The following PTPN7 variants were observed in gnomAD, a reference collection of about 807,000 sequenced individuals.
The protein encoded by PTPN7 is tyrosine-protein phosphatase non-receptor type 7.
PTPN7 carries 33 observed loss-of-function variants against 50.3 expected under a neutral mutation model. The ratio of observed to expected loss-of-function variants is 0.66; its 90% CI spans 0.50 to 0.88. The LOEUF (loss-of-function observed/expected upper bound fraction) is 0.88, where lower values mean the gene tolerates loss of function less well. PTPN7 is among the 40% of genes least tolerant of loss of function. PTPN7 has a pLI of 0.00. For synonymous variants in PTPN7, 185 were observed against 186.6 expected (o/e 0.99, Z 0.07); for missense variants, 412 against 475.4 (o/e 0.87, Z 1.24).
rs145804766 is a variant in PTPN7, at chr1:202,153,371, C to T, written c.717+354G>A. On this transcript the variant is annotated intron_variant, in intron 7 of 9. Transcript: ENST00000691036. ...ACTCCTGACCTCAAGTGATCCGCCC[C>T]CCTCAGCCTCCCAAAGTGTTGGGAT... 6.6e-3 allele frequency among the ~76,000 whole-genome samples: 1,000 copies of T among 152,230 alleles called. 4 individuals are homozygous for T. Among genetic ancestry groups the T allele is most frequent in the Non-Finnish European group, 0.011 (714 of 67,998 alleles).
At chr1:202,157,904 C>T in intron 3 of PTPN7, 81 bp from the exon 4 acceptor site, 4 of 1,464,676 alleles carry the variant, frequency 2.7e-6, no homozygotes, top group Non-Finnish European at 3.8e-6. Context: ...AACAGCTGGA[C>T]TCTGGCCATT....
At chr1:202,155,429 G>T in intron 5 of PTPN7, 104 bp downstream of exon 5, 1 of 1,133,480 alleles carries the variant, frequency 8.8e-7, no homozygotes, top group Non-Finnish European at 1.3e-6. Context: ...AGCAGGGAGG[G>T]TAGGAAATGC....
intron 4 of PTPN7, among the ~76,000 whole-genome samples, chr1:202,157,402 G>A (rs1026819932): frequency 1.3e-5 from 2 of 152,058 alleles, no homozygotes; most frequent in Non-Finnish European, 2.9e-5. Context: ...CCAGCTACTC[G>A]GGAGGCTGAG....
rs907494726 is a variant in PTPN7, at chr1:202,160,379, C to T, written c.-53+166G>A. On this transcript the variant is annotated intron_variant, in intron 1 of 9. Coordinates refer to ENST00000691036, the MANE Select transcript of PTPN7 (RefSeq NM_002832.4). This position sits in a 1 kb window ranked among gnomAD's most constrained non-coding sequence, Gnocchi z 4.8. Reference sequence around the variant, plus strand: ...TGTAGCTCCCTGTGGCTTCCCTGCTCACCCCCGTCTTGGGGACATCAGGTC... The same window carrying T: ...TGTAGCTCCCTGTGGCTTCCCTGCTTACCCCCGTCTTGGGGACATCAGGTC... Among the ~76,000 whole-genome samples, 7 of 152,190 alleles carry T rather than the reference C, an allele frequency of 4.6e-5. No individual in the cohort carries two copies. The East Asian group carries it at 1.2e-3, about 25-fold the overall frequency.
intron 8 of PTPN7, among the ~76,000 whole-genome samples, chr1:202,150,835 C>T (rs1352934984): frequency 4.6e-5 from 7 of 152,110 alleles, no homozygotes; most frequent in East Asian, 1.9e-4. Context: ...AGCCCACGCC[C>T]GGCCCCTCTG....
chr1:202,155,467 G>A, intron 5 of PTPN7, 66 bp downstream of exon 5: 4 of 1,451,466 alleles, frequency 2.8e-6, no homozygotes, highest in Non-Finnish European at 2.9e-6. Flanking sequence ...GCCATGGCTG[G>A]AAGATATTCT....
At chr1:202,150,272 C>A (rs753516998) in intron 9 of PTPN7, 39 bp downstream of exon 9, 2 of 1,513,604 alleles carry the variant, frequency 1.3e-6, no homozygotes, top group East Asian at 4.7e-5. Context: ...TGATGCCATC[C>A]GTTAACGTTG....
intron 8 of PTPN7, 96 bp downstream of exon 8, chr1:202,152,437 AGGCTTGCCT>A (rs1656115303): frequency 3.0e-6 from 4 of 1,336,434 alleles, no homozygotes; most frequent in Non-Finnish European, 4.0e-6. Context: ...AGTAAGGACT[AGGCTTGCCT>A]GATGCTTTTC....
chr1:202,148,765 C>G (rs1655602683), intron 9 of PTPN7, 66 bp from the exon 10 acceptor site: 3 of 1,333,090 alleles, frequency 2.3e-6, no homozygotes, highest in Admixed American at 3.8e-5. Flanking sequence ...TGGCTCCAGT[C>G]AAACATCCCT....
intron 8 of PTPN7, among the ~76,000 whole-genome samples, 200 bp downstream of exon 8, chr1:202,152,342 G>A (rs1656099441): frequency 6.6e-6 from 1 of 152,228 alleles, no homozygotes; most frequent in Admixed American, 6.5e-5. Flanking sequence ...ATGGGGCCTG[G>A]GTGTCCAGCC....
intron 5 of PTPN7, 97 bp from the exon 6 acceptor site, chr1:202,154,420 T>C: frequency 7.0e-7 from 1 of 1,419,118 alleles, no homozygotes; most frequent in South Asian, 1.4e-5. Flanking sequence ...AGCCTGAAGC[T>C]GTGAACCACA....
At position 202,153,711 on chromosome 1, in the gene PTPN7, CG is replaced by C. The variant is rs746345069; in HGVS notation, c.717+13del. 56 of 1,605,542 alleles carry C rather than the reference CG, an allele frequency of 3.5e-5. No homozygotes were observed. Among genetic ancestry groups the C allele is most frequent in the South Asian group, 3.2e-4 (29 of 90,842 alleles). On this transcript the variant is annotated intron_variant, in intron 7 of 9. Transcript: ENST00000691036. ...CCCAACTTCCCACTGGGCCTGGCTC[CG>C]GGGGGGTGGTACCTGGATGGTGAGC...
Position 202,158,260 on chromosome 1 carries a change from A to G in PTPN7, c.164T>C (p.Leu55Pro). 4 of 1,614,174 alleles carry G rather than the reference A, an allele frequency of 2.5e-6. No homozygotes were observed. The highest frequency in any genetic ancestry group is 2.5e-6 in the Non-Finnish European group (3 of 1,180,026). The change falls in exon 3 of 10, where the codon CTG (leucine) becomes CCG (proline). Residue 55 changes from leucine (L) to proline (P), a missense_variant. Leu to Pro is a moderately conservative substitution (Grantham distance 98). Coordinates refer to ENST00000691036, the MANE Select transcript of PTPN7 (RefSeq NM_002832.4). ...AGAGCAGATGGGTTCTACGGCCCCCAGGGACCGAACGTCCAGCATCAGAGC... is the reference window on the plus strand; with the variant it reads ...AGAGCAGATGGGTTCTACGGCCCCCGGGGACCGAACGTCCAGCATCAGAGC... The part of the protein sequence containing the change: ...NVALMLDVRS[L>P]GAVEPICSVN...
chr1:202,161,268 C>G, upstream of PTPN7: 1 of 1,144,834 alleles, frequency 8.7e-7, no homozygotes, highest in African/African-American at 1.6e-5. Flanking sequence ...TGTAGGCCAG[C>G]CCAGCAGGAA....
At chr1:202,149,959 A>G in intron 9 of PTPN7, 1 of 172,338 alleles carries the variant, frequency 5.8e-6, no homozygotes, top group South Asian at 1.4e-4. Flanking sequence ...CAGCCTCCTG[A>G]GTAGCTGGGA....
chr1:202,155,666 C>T (rs1656579903), intron 4 of PTPN7, 57 bp from the exon 5 acceptor site: 4 of 1,430,046 alleles, frequency 2.8e-6, no homozygotes, highest in Non-Finnish European at 3.9e-6. Flanking sequence ...CTAACACAGA[C>T]TCAAGCAGGG....
chr1:202,154,279 G>A lies in PTPN7; in HGVS notation c.513C>T (p.Pro171=), dbSNP rs545311586. 1.9e-6 allele frequency: 3 copies of A among 1,614,100 alleles called. No individual in the cohort carries two copies. The South Asian group carries it at 3.3e-5, about 18-fold the overall frequency. Residue 171 remains proline (P), a synonymous_variant, in exon 6 of 10, where the codon CCC becomes CCT. Transcript: ENST00000691036. ...AGAAGTCCGACACAGTGTTGGGCAT[G>A]GGGCCCTGGGTGGCAATGTAGACCT... ...KEKVYIATQG[P]MPNTVSDFWE... is the part of the protein sequence containing the mutation.
rs983331894 is a variant in PTPN7 at position 202,154,152 on chromosome 1, T to A, written c.606+34A>T. Reference sequence around the variant, plus strand: ...GGGGTGGGGTGGGCATAGCACTTTCTGGGTTCATCATGAACTGTGGCTCTG... The same window carrying A: ...GGGGTGGGGTGGGCATAGCACTTTCAGGGTTCATCATGAACTGTGGCTCTG... On this transcript the variant is annotated intron_variant, in intron 6 of 9. Transcript: ENST00000691036. 1.3e-5 allele frequency: 21 copies of A among 1,613,026 alleles called. No individual in the cohort carries two copies. The Admixed American group carries it at 2.2e-4, about 17-fold the overall frequency.
In PTPN7 at chr1:202,153,868, G is replaced by A. The variant is rs376810208; in HGVS notation, c.607-33C>T. ...GGAGGGAGCTGGGAGTCAGAAGAGGGTCAGCTGGAGCAGGTGACAGGGCAG... is the reference window on the plus strand; with the variant it reads ...GGAGGGAGCTGGGAGTCAGAAGAGGATCAGCTGGAGCAGGTGACAGGGCAG... On this transcript the variant is annotated intron_variant, in intron 6 of 9. Coordinates refer to ENST00000691036, the MANE Select transcript of PTPN7 (RefSeq NM_002832.4). 3 of 1,545,552 alleles carry A rather than the reference G, an allele frequency of 1.9e-6. 1 individual carries two copies. The highest frequency in any genetic ancestry group is 2.7e-6 in the Non-Finnish European group (3 of 1,118,012).
Sources: allele counts gnomAD v4.1 joint callset (sites outside exome capture counted in the v4.1 genomes callset), GRCh38; gene constraint gnomAD v4.1.1; non-coding constraint Gnocchi (gnomAD v3.1); transcripts MANE v1.5; gene names NCBI Gene and HGNC (gene_info 2026-07-23, HGNC 2026-07-21).